CELF2: variants seen among roughly 807,000 people sequenced by gnomAD.
CELF2 encodes the protein CUGBP Elav-like family member 2, also known as CUG triplet repeat RNA-binding protein 2.
A neutral mutation model predicts 62.6 loss-of-function variants in CELF2; 8 were observed. The ratio of observed to expected loss-of-function variants is 0.13; its 90% CI spans 0.07 to 0.23. The LOEUF is 0.23. Among genes scored for constraint, CELF2 ranks in the 10% least tolerant of loss-of-function variants. The pLI, the probability that CELF2 is intolerant of heterozygous loss-of-function variation, is 1.00. For synonymous variants in CELF2, 258 were observed against 250.0 expected, an observed-to-expected ratio of 1.03 and a Z score of -0.30; for missense variants, 333 against 671.0, an observed-to-expected ratio of 0.50 and a Z score of 5.56.
At chr10:10,729,417 G>A in the CELF2 span, among the ~76,000 whole-genome samples, 3 of 152,196 alleles carry the variant, frequency 2.0e-5, no homozygotes, top group Non-Finnish European at 2.9e-5. Flanking sequence ...CGCAACGGCT[G>A]CTTCAAGGAT....
intron 1 of CELF2, among the ~76,000 whole-genome samples, chr10:11,068,748 G>A (rs1326560736): frequency 1.3e-5 from 2 of 152,048 alleles, no homozygotes; most frequent in Non-Finnish European, 1.5e-5. Context: ...TTTTAGTAGA[G>A]ATGGGGTTTC....
At chr10:11,149,882 A>T (rs2132618206) in intron 1 of CELF2, among the ~76,000 whole-genome samples, 1 of 152,330 alleles carries the variant, frequency 6.6e-6, no homozygotes, top group African/African-American at 2.4e-5. Flanking sequence ...AGCACTTGTC[A>T]GTTGATCTCC....
At chr10:10,870,210 G>T (rs1176528324) in intron 1 of CELF2, among the ~76,000 whole-genome samples, 1 of 151,872 alleles carries the variant, frequency 6.6e-6, no homozygotes, top group African/African-American at 2.4e-5. Flanking sequence ...AAAAGGAATA[G>T]AATTTAATAA....
At chr10:10,739,594 A>G in the CELF2 span, among the ~76,000 whole-genome samples, 58,209 of 152,018 alleles carry the variant, frequency 0.38, 11,835 homozygotes, top group South Asian at 0.57. Context: ...ATAAAATACT[A>G]TCATTCAAAC....
In CELF2 at chr10:11,288,530, C is replaced by G. The variant is rs1303534209; in HGVS notation, c.954C>G (p.Ala318=). 3.7e-6 allele frequency: 6 copies of G among 1,613,890 alleles called. No individual in the cohort carries two copies. In the Middle Eastern group the frequency reaches 4.9e-4, roughly 133 times the overall value. The part of the protein sequence containing the change: ...NANPLSTTSS[A]LGALTSPVAA... ...ACCCTCTCTCTACCACGAGCAGCGC[C>G]CTGGGAGCCCTCACGAGTCCCGGTG... The change falls in exon 9 of 13, where the codon GCC becomes GCG. Residue 318 remains alanine, a synonymous_variant. Transcript: ENST00000633077.
the CELF2 span, among the ~76,000 whole-genome samples, chr10:10,672,366 A>G: frequency 2.6e-5 from 4 of 152,250 alleles, no homozygotes; most frequent in East Asian, 5.8e-4. Context: ...TAGGAGTTAT[A>G]TAGTCATCTA....
intron 1 of CELF2, among the ~76,000 whole-genome samples, chr10:10,900,860 T>A (rs2062889318): frequency 6.6e-6 from 1 of 152,184 alleles, no homozygotes; most frequent in Non-Finnish European, 1.5e-5. Flanking sequence ...CTAGAACTAA[T>A]AAGTAAGTTT....
At chr10:10,771,804 TTG>T in the CELF2 span, among the ~76,000 whole-genome samples, 3 of 152,230 alleles carry the variant, frequency 2.0e-5, no homozygotes, top group Admixed American at 2.0e-4. Context: ...TTGCCCAGTC[TTG>T]GGTATGTCTT....
chr10:10,865,627 C>T (rs745871126), intron 1 of CELF2, among the ~76,000 whole-genome samples: 2 of 152,140 alleles, frequency 1.3e-5, no homozygotes, highest in Non-Finnish European at 2.9e-5. Context: ...CAGATTTGCT[C>T]TGCCTAGCAG....
chr10:11,167,105 G>A (rs10466307), intron 2 of CELF2, among the ~76,000 whole-genome samples: 2,259 of 152,316 alleles, frequency 0.015, 56 homozygotes, highest in African/African-American at 0.052. Context: ...AGATAACTGA[G>A]AATCTGTAGA....
chr10:10,536,263 C>T, the CELF2 span, among the ~76,000 whole-genome samples: 360 of 152,190 alleles, frequency 2.4e-3, 2 homozygotes, highest in Middle Eastern at 3.4e-3. Flanking sequence ...TGTGATCTGC[C>T]CACCTTGGCC....
chr10:10,766,120 A>C, the CELF2 span, among the ~76,000 whole-genome samples: 2 of 152,204 alleles, frequency 1.3e-5, no homozygotes, highest in Admixed American at 1.3e-4. Flanking sequence ...ACTTGGTGGA[A>C]ACTAAGATTG....
chr10:10,700,387 T>C, the CELF2 span, among the ~76,000 whole-genome samples: 1 of 152,182 alleles, frequency 6.6e-6, no homozygotes, highest in Non-Finnish European at 1.5e-5. Context: ...GGATGCGCCA[T>C]ACCAAAATAC....
chr10:10,722,332 A>C, the CELF2 span, among the ~76,000 whole-genome samples: 4 of 152,030 alleles, frequency 2.6e-5, no homozygotes, highest in Admixed American at 2.0e-4. Flanking sequence ...AAAATAAAAA[A>C]CTTAAAAAAA....
intron 1 of CELF2, among the ~76,000 whole-genome samples, chr10:11,114,497 A>G (rs1471047981): frequency 6.6e-6 from 1 of 152,198 alleles, no homozygotes; most frequent in Non-Finnish European, 1.5e-5. Flanking sequence ...ACTCTTTAAA[A>G]GTTGCTAATG....
chr10:11,164,995 T>G (rs540834447), intron 1 of CELF2: 74 of 867,172 alleles, frequency 8.5e-5, no homozygotes, highest in Non-Finnish European at 9.7e-5. Flanking sequence ...GACTTTATTA[T>G]TACCACCTCT....
chr10:10,936,085 C>T lies in CELF2; in HGVS notation c.89+16086C>T, dbSNP rs1387197273. ...GCTGAAGCAAGAGAATCGCTTAAAC[C>T]CTGGAGGCAGAGGTTGCAGTAAGCC... On this transcript the variant is annotated intron_variant, in intron 2 of 13. Transcript: ENST00000636488. The surrounding 1 kb of genome is among the most constrained non-coding windows in gnomAD (Gnocchi z 4.0). Among the ~76,000 whole-genome samples, 3 of 151,936 alleles carry T rather than the reference C, an allele frequency of 2.0e-5. No homozygotes were observed. The highest frequency in any genetic ancestry group is 4.4e-5 in the Non-Finnish European group (3 of 68,004).
chr10:10,634,929 C>T, the CELF2 span, among the ~76,000 whole-genome samples: 1 of 152,188 alleles, frequency 6.6e-6, no homozygotes, highest in Admixed American at 6.5e-5. Context: ...CAAGGTGATT[C>T]TGCGGGGCAG....
the CELF2 span, among the ~76,000 whole-genome samples, chr10:10,658,198 T>C: frequency 1.1e-4 from 17 of 152,184 alleles, no homozygotes; most frequent in African/African-American, 3.6e-4. Context: ...CCCTAATACA[T>C]GGTTAGCTTG....
Sources: allele counts gnomAD v4.1 joint callset (sites outside exome capture counted in the v4.1 genomes callset), GRCh38; gene constraint gnomAD v4.1.1; non-coding constraint Gnocchi (gnomAD v3.1); transcripts MANE v1.5; gene names NCBI Gene and HGNC (gene_info 2026-07-23, HGNC 2026-07-21).